PTPRA: variants seen among roughly 807,000 people sequenced by gnomAD.
PTPRA encodes the protein protein tyrosine phosphatase receptor type A.
A neutral mutation model predicts 104.8 loss-of-function variants in PTPRA; 25 were observed. That is an observed-to-expected ratio of 0.24 (90% confidence interval 0.17 to 0.33). The LOEUF (loss-of-function observed/expected upper bound fraction) is 0.33, where lower values mean the gene tolerates loss of function less well. Among genes scored for constraint, PTPRA ranks in the 10% least tolerant of loss-of-function variants. The probability of loss-of-function intolerance (pLI) is 1.00; values close to 1 mark genes in which losing one functional copy is unlikely to be tolerated. For synonymous variants in PTPRA, 323 were observed against 368.9 expected (o/e 0.88, Z 1.43); for missense variants, 765 against 1,015.3 (o/e 0.75, Z 3.35).
At chr20:2,972,361 C>T (rs968469349) in intron 5 of PTPRA, among the ~76,000 whole-genome samples, 9 of 152,088 alleles carry the variant, frequency 5.9e-5, no homozygotes, top group Non-Finnish European at 1.0e-4. Context: ...CATGTCACCA[C>T]GCCCAGCTAA....
intron 11 of PTPRA, among the ~76,000 whole-genome samples, chr20:3,014,091 A>G (rs545597502): frequency 2.4e-4 from 37 of 152,358 alleles, no homozygotes; most frequent in African/African-American, 7.9e-4. Flanking sequence ...CGCTTAACGT[A>G]TTCTTAAGGA....
chr20:2,948,354 T>G (rs1365790286), intron 3 of PTPRA, among the ~76,000 whole-genome samples: 1 of 152,348 alleles, frequency 6.6e-6, no homozygotes, highest in South Asian at 2.1e-4. Context: ...TTTTAGCCAC[T>G]TAAGTTTTTT....
At chr20:3,007,457 T>C (rs374501665) in intron 11 of PTPRA, 37 bp downstream of exon 11, 5 of 1,575,304 alleles carry the variant, frequency 3.2e-6, no homozygotes, top group Non-Finnish European at 4.4e-6. Context: ...CTTCCCTGCC[T>C]GACCATTGCC....
At chr20:2,901,011 G>A (rs1014221481) in intron 1 of PTPRA, among the ~76,000 whole-genome samples, 1 of 151,756 alleles carries the variant, frequency 6.6e-6, no homozygotes, top group Non-Finnish European at 1.5e-5. Flanking sequence ...TTGCTCTGTT[G>A]CCCAGGCTAG....
chr20:2,960,439 C>T (rs563775745), intron 3 of PTPRA, among the ~76,000 whole-genome samples: 5 of 152,018 alleles, frequency 3.3e-5, no homozygotes, highest in East Asian at 1.9e-4. Context: ...GTAGTAGAGA[C>T]GGGGTTTCAC....
At chr20:2,991,347 A>G (rs903595037) in intron 9 of PTPRA, among the ~76,000 whole-genome samples, 2 of 151,724 alleles carry the variant, frequency 1.3e-5, no homozygotes, top group South Asian at 4.2e-4. Context: ...CCTGGGCGAC[A>G]AGAGTGAAAC....
chr20:2,953,316 G>A (rs879414181), intron 3 of PTPRA, among the ~76,000 whole-genome samples: 11 of 151,858 alleles, frequency 7.2e-5, no homozygotes, highest in South Asian at 6.2e-4. Context: ...GTGTAGTGGC[G>A]CAATCTCGGC....
chr20:3,021,326 CT>C lies in PTPRA; in HGVS notation c.1060del (p.Trp354GlyfsTer16). On this transcript the variant is annotated frameshift_variant, in exon 14 of 24. Transcript: ENST00000399903. LOFTEE classifies it high-confidence loss of function. Reference protein sequence around the residue: ...ERKECKCAQYWPDQGCWTYGN... With the variant: ...ERKECKCAQYXPDQGCWTYGN... ...CTTTCCAGTGCAAGTGCGCCCAGTA[CT>C]GGCCAGACCAAGGCTGCTGGACCTA... 1 of 1,614,100 alleles carries C rather than the reference CT, an allele frequency of 6.2e-7. No individual in the cohort carries two copies. The highest frequency in any genetic ancestry group is 8.5e-7 in the Non-Finnish European group (1 of 1,179,954).
intron 20 of PTPRA, among the ~76,000 whole-genome samples, chr20:3,034,475 G>C (rs1049674235): frequency 7.2e-5 from 11 of 152,052 alleles, no homozygotes; most frequent in Admixed American, 7.2e-4. Flanking sequence ...AGAAGGCACT[G>C]TGGTAGCAAA....
chr20:2,967,945 T>A (rs1236961547), intron 5 of PTPRA, among the ~76,000 whole-genome samples: 2 of 152,228 alleles, frequency 1.3e-5, no homozygotes, highest in Non-Finnish European at 2.9e-5. Flanking sequence ...TGTTAGATAA[T>A]CTATTTCTTT....
chr20:2,937,980 C>G (rs945256506), intron 2 of PTPRA, among the ~76,000 whole-genome samples: 1 of 151,990 alleles, frequency 6.6e-6, no homozygotes, highest in African/African-American at 2.4e-5. Context: ...TAATTGATTT[C>G]AGGACTTTTC....
intron 5 of PTPRA, among the ~76,000 whole-genome samples, chr20:2,971,361 T>C (rs1188949022): frequency 6.6e-6 from 1 of 152,204 alleles, no homozygotes; most frequent in Non-Finnish European, 1.5e-5. Context: ...AGCATTTTCT[T>C]CCATCAGATC....
At chr20:2,944,262 G>A (rs973542728) in intron 2 of PTPRA, among the ~76,000 whole-genome samples, 3 of 152,012 alleles carry the variant, frequency 2.0e-5, no homozygotes, top group African/African-American at 4.8e-5. Flanking sequence ...GGCTGGTCTC[G>A]AACTCCTCAC....
chr20:3,006,299 G>C (rs2063867363), intron 10 of PTPRA, among the ~76,000 whole-genome samples: 1 of 152,026 alleles, frequency 6.6e-6, no homozygotes, highest in African/African-American at 2.4e-5. Context: ...TAATCCTCCT[G>C]CCACAGCCTG....
chr20:2,928,149 T>C (rs2060375722), intron 2 of PTPRA, among the ~76,000 whole-genome samples: 1 of 152,132 alleles, frequency 6.6e-6, no homozygotes, highest in South Asian at 2.1e-4. Context: ...TGTTTGTTTG[T>C]TTTGGAGACG....
At chr20:2,864,869 T>TGACCCTGGC in the PTPRA span, 3 of 1,473,060 alleles carry the variant, frequency 2.0e-6, no homozygotes, top group Non-Finnish European at 2.8e-6. This position sits in a 1 kb window ranked among gnomAD's most constrained non-coding sequence, Gnocchi z 5.2. Flanking sequence ...CAGGCAAGGC[T>TGACCCTGGC]GACCCTGGCG....
chr20:2,986,971 C>T (rs2062936164), intron 7 of PTPRA, 122 bp downstream of exon 7: 1 of 862,286 alleles, frequency 1.2e-6, no homozygotes, highest in Non-Finnish European at 1.9e-6. Context: ...GGGGGAATGA[C>T]CCATGATAGT....
chr20:3,007,846 A>G (rs2063948121), intron 11 of PTPRA, among the ~76,000 whole-genome samples: 1 of 152,032 alleles, frequency 6.6e-6, no homozygotes, highest in South Asian at 2.1e-4. Context: ...GTGTATATAT[A>G]TATATATATG....
At chr20:2,986,484 G>A (rs947753811) in intron 6 of PTPRA, among the ~76,000 whole-genome samples, 1 of 152,188 alleles carries the variant, frequency 6.6e-6, no homozygotes, top group South Asian at 2.1e-4. Context: ...CCTTTAAACA[G>A]CTTTTATTCT....
Sources: gnomAD v4.1 joint callset for allele counts (sites outside exome capture counted in the v4.1 genomes callset) on GRCh38, gnomAD v4.1.1 for gene constraint, Gnocchi (gnomAD v3.1) non-coding constraint, MANE v1.5 for transcripts, NCBI Gene and HGNC (gene_info 2026-07-23, HGNC 2026-07-21) for gene names.